NT5DC1: variants seen among roughly 807,000 people sequenced by gnomAD.
The protein encoded by NT5DC1 is 5'-nucleotidase domain containing 1, also known as 5'-nucleotidase domain-containing protein 1.
NT5DC1 carries 42 observed loss-of-function variants against 59.4 expected under a neutral mutation model. The observed-to-expected ratio is 0.71, with a 90% CI of 0.55 to 0.92. The LOEUF (loss-of-function observed/expected upper bound fraction) is 0.92. Among genes scored for constraint, NT5DC1 ranks in the 40% least tolerant of loss-of-function variants. NT5DC1 has a pLI of 0.00. For missense variants in NT5DC1, 501 were observed against 537.1 expected (o/e 0.93, Z 0.66); for synonymous variants, 172 against 188.1 (o/e 0.91, Z 0.70).
Position 116,128,321 on chromosome 6 carries a change from T to TCAGA in NT5DC1, c.529+10377_529+10380dup, listed in dbSNP as rs1779375618. Among the ~76,000 whole-genome samples, 3 of 152,118 alleles carry TCAGA rather than the reference T, an allele frequency of 2.0e-5. No homozygotes were observed. In the East Asian group the frequency reaches 5.8e-4, roughly 29 times the overall value. On this transcript the variant is annotated intron_variant, in intron 6 of 11. Transcript: ENST00000319550. Reference sequence around the variant, plus strand: ...GTCTTGTCCAAAACAGATTGTAGAATCAGAATATTTTCTAGCCACACCCCA... The same window carrying TCAGA: ...GTCTTGTCCAAAACAGATTGTAGAATCAGACAGAATATTTTCTAGCCACACCCCA...
intron 2 of NT5DC1, 90 bp downstream of exon 2, chr6:116,106,425 A>T: frequency 1.5e-6 from 1 of 672,072 alleles, no homozygotes; most frequent in Admixed American, 2.8e-5. Flanking sequence ...TTCTCTTCTA[A>T]GAAGATGGAA....
intron 6 of NT5DC1, among the ~76,000 whole-genome samples, chr6:116,141,860 G>A (rs1354913399): frequency 1.4e-5 from 2 of 137,944 alleles, no homozygotes; most frequent in African/African-American, 5.7e-5. Context: ...TCTTATTTCA[G>A]TAAAAGATTT....
chr6:116,137,734 A>G (rs965263914), intron 6 of NT5DC1, among the ~76,000 whole-genome samples: 2 of 152,210 alleles, frequency 1.3e-5, no homozygotes, highest in Non-Finnish European at 2.9e-5. Flanking sequence ...TGCAATACGT[A>G]CCTGTTTATA....
At chr6:116,211,551 C>T (rs940696037) in intron 6 of NT5DC1, among the ~76,000 whole-genome samples, 30 of 151,766 alleles carry the variant, frequency 2.0e-4, no homozygotes, top group African/African-American at 7.0e-4. Flanking sequence ...TCTTAATTAA[C>T]CTACAAATTA....
intron 6 of NT5DC1, among the ~76,000 whole-genome samples, chr6:116,220,170 A>G (rs1237573226): frequency 7.5e-6 from 1 of 132,960 alleles, no homozygotes; most frequent in Non-Finnish European, 1.5e-5. Context: ...CCTTTTCCTA[A>G]CAATTAGAGA....
intron 6 of NT5DC1, chr6:116,125,754 C>G (rs1334570644): frequency 3.0e-6 from 1 of 336,194 alleles, no homozygotes; most frequent in African/African-American, 2.2e-5. Context: ...GGAAAAGAAA[C>G]AGAAATTAGG....
At position 116,117,866 on chromosome 6, in the gene NT5DC1, C is replaced by T; in HGVS notation, c.450C>T (p.Asn150=). Residue 150 remains asparagine, a synonymous_variant, in exon 6 of 12, where the codon AAC becomes AAT. Coordinates refer to ENST00000319550, the MANE Select transcript of NT5DC1 (RefSeq NM_152729.3). ...ATTTGGAATTATTTTTTCAGCTGAA[C>T]AATGGTCAAAAAACATTTGATTTTT... ...ARVVDYLTKL[N]NGQKTFDFWK... is the part of the protein sequence containing the mutation. 6.5e-7 allele frequency: 1 copy of T among 1,539,844 alleles called. No individual in the cohort carries two copies. Among genetic ancestry groups the T allele is most frequent in the Non-Finnish European group, 8.9e-7 (1 of 1,117,730 alleles).
At chr6:116,107,622 G>C (rs1778790482) in intron 2 of NT5DC1, among the ~76,000 whole-genome samples, 5 of 150,716 alleles carry the variant, frequency 3.3e-5, no homozygotes, top group Admixed American at 3.3e-4. Context: ...GCCCAGGCTG[G>C]AGTGCAGTGG....
intron 6 of NT5DC1, among the ~76,000 whole-genome samples, chr6:116,138,511 G>A (rs976497078): frequency 1.3e-5 from 2 of 152,148 alleles, no homozygotes; most frequent in Non-Finnish European, 2.9e-5. Flanking sequence ...TCTAAAATGG[G>A]CTAGTTCAGA....
At chr6:116,119,918 C>T in intron 6 of NT5DC1, 1 of 726,532 alleles carries the variant, frequency 1.4e-6, no homozygotes, top group African/African-American at 1.8e-5. Flanking sequence ...GCTCACTTTT[C>T]AGGGGGAAGG....
chr6:116,107,990 ATG>A (rs59382013), intron 2 of NT5DC1, among the ~76,000 whole-genome samples: 163 of 150,424 alleles, frequency 1.1e-3, no homozygotes, highest in African/African-American at 3.5e-3. Flanking sequence ...TAGAATATAA[ATG>A]TGTGTGTGTG....
intron 6 of NT5DC1, among the ~76,000 whole-genome samples, chr6:116,196,632 T>TCCTGTTTACACTAAA (rs1164823593): frequency 2.6e-5 from 4 of 152,044 alleles, no homozygotes; most frequent in Non-Finnish European, 5.9e-5. Context: ...AGGAGTAGCT[T>TCCTGTTTACACTAAA]CATTACACTA....
chr6:116,211,484 T>A (rs1161760690), intron 6 of NT5DC1, among the ~76,000 whole-genome samples: 2 of 152,118 alleles, frequency 1.3e-5, no homozygotes, highest in Non-Finnish European at 2.9e-5. Context: ...CCATATAGGT[T>A]CAACAGTAAG....
chr6:116,131,106 C>T lies in NT5DC1; in HGVS notation c.529+13161C>T, dbSNP rs201995300. Among the ~76,000 whole-genome samples the T allele has an allele frequency of 1.9e-4, 29 of 152,036 alleles. No individual in the cohort carries two copies. The East Asian group carries it at 5.0e-3, about 26-fold the overall frequency. On this transcript the variant is annotated intron_variant, in intron 6 of 11. Coordinates refer to ENST00000319550, the MANE Select transcript of NT5DC1 (RefSeq NM_152729.3). ...AAGTACATATGTTTTCTCTGGTGTT[C>T]GGATATATGTTTAACAACCAACCTG...
At chr6:116,237,774 AAAGTGGTTGTG>A (rs1782147411) in intron 9 of NT5DC1, 1 of 263,608 alleles carries the variant, frequency 3.8e-6, no homozygotes, top group South Asian at 4.5e-5. Flanking sequence ...AGAAACTTGA[AAAGTGGTTGTG>A]ATTTGCACTT....
chr6:116,244,305 T>G lies in NT5DC1; in HGVS notation c.*281T>G, dbSNP rs1402874394. On this transcript the variant is annotated 3_prime_UTR_variant, in exon 12 of 12. Transcript: ENST00000319550. ...CACACACTCACACGCACAGTCACTC[T>G]TACACATATGCCTAGTCCAGTGGTT... is the stretch of plus-strand genomic sequence containing the variant. 1.9e-5 allele frequency: 4 copies of G among 209,894 alleles called. No homozygotes were observed. Among genetic ancestry groups the G allele is most frequent in the Non-Finnish European group, 3.8e-5 (4 of 104,996 alleles). 13.0% of individuals were successfully genotyped at this position (209,894 alleles called of 1,614,324 possible). A position where few individuals can be genotyped will look rare whatever the true frequency, so the allele number is the denominator to read the frequency against.
intron 6 of NT5DC1, among the ~76,000 whole-genome samples, chr6:116,170,616 A>G (rs1374090064): frequency 6.6e-6 from 1 of 152,186 alleles, no homozygotes; most frequent in Non-Finnish European, 1.5e-5. Flanking sequence ...TAAATAGGGT[A>G]TATGTTCAGA....
intron 6 of NT5DC1, among the ~76,000 whole-genome samples, chr6:116,143,358 G>C (rs977506268): frequency 6.6e-6 from 1 of 152,108 alleles, no homozygotes; most frequent in Admixed American, 6.6e-5. Context: ...TTATAGGCAT[G>C]CATCACCATA....
At chr6:116,155,719 T>C (rs1780172522) in intron 6 of NT5DC1, among the ~76,000 whole-genome samples, 1 of 129,638 alleles carries the variant, frequency 7.7e-6, no homozygotes, top group South Asian at 2.4e-4. Flanking sequence ...TAAACAACAC[T>C]GCATCTACAC....
Sources: gnomAD v4.1 joint callset for allele counts (sites outside exome capture counted in the v4.1 genomes callset) on GRCh38, gnomAD v4.1.1 for gene constraint, MANE v1.5 for transcripts, NCBI Gene and HGNC (gene_info 2026-07-23, HGNC 2026-07-21) for gene names.